The following MAGI1 variants were observed in gnomAD, a reference collection of about 807,000 sequenced individuals.
MAGI1 encodes the protein membrane associated guanylate kinase, WW and PDZ domain containing 1.
MAGI1 carries 58 observed loss-of-function variants against 139.9 expected under a neutral mutation model. The ratio of observed to expected loss-of-function variants is 0.41; its 90% CI spans 0.34 to 0.52. The LOEUF (loss-of-function observed/expected upper bound fraction) is 0.52. Ranked by LOEUF, MAGI1 falls within the 20% of genes least tolerant of loss-of-function variation. The pLI, the probability that MAGI1 is intolerant of heterozygous loss-of-function variation, is 0.12. For missense variants in MAGI1, 1,874 were observed against 1,901.6 expected (o/e 0.99, Z 0.27); for synonymous variants, 812 against 737.9 (o/e 1.10, Z -1.63).
At chr3:65,381,686 C>T (rs958308565) in intron 16 of MAGI1, among the ~76,000 whole-genome samples, 191 bp downstream of exon 16, 1 of 152,076 alleles carries the variant, frequency 6.6e-6, no homozygotes, top group African/African-American at 2.4e-5. Flanking sequence ...GCAAACGGCA[C>T]ATTAAAGTAC....
intron 1 of MAGI1, among the ~76,000 whole-genome samples, chr3:65,667,102 G>GA (rs764142841): frequency 2.0e-5 from 3 of 151,986 alleles, no homozygotes; most frequent in Non-Finnish European, 4.4e-5. Context: ...GAGAACAGAG[G>GA]AAAAAAGGTG....
chr3:65,659,039 C>G (rs559617294), intron 1 of MAGI1, among the ~76,000 whole-genome samples: 164 of 152,190 alleles, frequency 1.1e-3, no homozygotes, highest in African/African-American at 3.6e-3. Context: ...CCAGGTAAGT[C>G]CTATTTTTAT....
chr3:65,633,413 C>A (rs760174544), intron 1 of MAGI1, among the ~76,000 whole-genome samples: 1 of 152,082 alleles, frequency 6.6e-6, no homozygotes, highest in Admixed American at 6.6e-5. Context: ...AGAGAGGCTG[C>A]GAGACAGATT....
At chr3:65,433,009 A>AT (rs2107359265) in intron 10 of MAGI1, among the ~76,000 whole-genome samples, 1 of 152,154 alleles carries the variant, frequency 6.6e-6, no homozygotes, top group East Asian at 1.9e-4. Context: ...CATCTTACTT[A>AT]TTGCTTTGGT....
At chr3:65,829,382 C>T (rs1874321) in intron 1 of MAGI1, among the ~76,000 whole-genome samples, 97,132 of 151,898 alleles carry the variant, frequency 0.64, 31,552 homozygotes, top group East Asian at 0.94. Flanking sequence ...AGTGGGGCCT[C>T]TGGGAAGAGA....
At chr3:65,552,838 G>C (rs562744128) in intron 2 of MAGI1, among the ~76,000 whole-genome samples, 18 of 152,298 alleles carry the variant, frequency 1.2e-4, no homozygotes, top group Middle Eastern at 3.4e-3. Flanking sequence ...AGATGCATGT[G>C]TTATGCCTTG....
Position 65,812,697 on chromosome 3 carries a change from T to C in MAGI1, c.314-190609A>G, listed in dbSNP as rs1462487800. On this transcript the variant is annotated intron_variant, in intron 1 of 22. Coordinates refer to ENST00000402939, the MANE Select transcript of MAGI1 (RefSeq NM_001033057.2). ...ATAAACTGACTGGTTAAAGTTAGTT[T>C]ACTTTTTTTTTTTTTTTTTTTTTTT... Among the ~76,000 whole-genome samples, 4 of 140,198 alleles carry C rather than the reference T, an allele frequency of 2.9e-5. No homozygotes were observed. The East Asian group carries it at 8.4e-4, about 30-fold the overall frequency. The allele number at this position is 140,198 out of a possible 152,430, so 92.0% of individuals were successfully genotyped here. A position where few individuals can be genotyped will look rare whatever the true frequency, so the allele number is the denominator to read the frequency against.
chr3:65,512,482 C>G (rs896809790), intron 2 of MAGI1, among the ~76,000 whole-genome samples: 86 of 148,576 alleles, frequency 5.8e-4, no homozygotes, highest in Non-Finnish European at 1.1e-3. Flanking sequence ...ATATCACCAC[C>G]GATCCCACAG....
intron 1 of MAGI1, among the ~76,000 whole-genome samples, chr3:65,887,210 T>C (rs1449385421): frequency 6.6e-6 from 1 of 152,182 alleles, no homozygotes; most frequent in East Asian, 1.9e-4. Flanking sequence ...ACTGGTTGCC[T>C]CTGGAGGATT....
At chr3:65,962,137 T>C (rs2064463683) in intron 1 of MAGI1, among the ~76,000 whole-genome samples, 1 of 151,006 alleles carries the variant, frequency 6.6e-6, no homozygotes, top group African/African-American at 2.4e-5. Flanking sequence ...TTTTTTTTTT[T>C]TTTTTGACGG....
chr3:65,768,507 GT>G (rs573136262), intron 1 of MAGI1, among the ~76,000 whole-genome samples: 248 of 152,228 alleles, frequency 1.6e-3, no homozygotes, highest in Non-Finnish European at 2.9e-3. Flanking sequence ...TCTCAGTCAA[GT>G]TTTTTCTTCA....
chr3:65,903,260 G>C (rs542797201), intron 1 of MAGI1, among the ~76,000 whole-genome samples: 104 of 152,218 alleles, frequency 6.8e-4, no homozygotes, highest in Non-Finnish European at 7.4e-5. Context: ...TCCCAAAGTG[G>C]TGGGATTACA....
chr3:65,937,689 T>G (rs893150474), intron 1 of MAGI1, among the ~76,000 whole-genome samples: 3 of 152,168 alleles, frequency 2.0e-5, no homozygotes, highest in Non-Finnish European at 2.9e-5. Flanking sequence ...GTGGGTTTTT[T>G]GGGGTTTTTT....
intron 5 of MAGI1, among the ~76,000 whole-genome samples, chr3:65,463,596 G>GTA (rs1237330758): frequency 7.3e-6 from 1 of 137,358 alleles, no homozygotes; most frequent in African/African-American, 2.7e-5. Flanking sequence ...GTGTGTGTGT[G>GTA]TGTGTGTCTG....
intron 1 of MAGI1, among the ~76,000 whole-genome samples, chr3:65,651,393 C>G (rs985369507): frequency 1.1e-4 from 16 of 152,190 alleles, no homozygotes; most frequent in Admixed American, 3.3e-4. Context: ...TAGAGCCATA[C>G]TCCATGCAAG....
chr3:65,381,291 GA>G (rs1385144768), intron 16 of MAGI1, among the ~76,000 whole-genome samples: 1 of 152,130 alleles, frequency 6.6e-6, no homozygotes, highest in Admixed American at 6.6e-5. Context: ...TCCAAGGGAA[GA>G]AAGTTATATT....
At chr3:65,810,715 C>G (rs2041173850) in intron 1 of MAGI1, among the ~76,000 whole-genome samples, 1 of 152,168 alleles carries the variant, frequency 6.6e-6, no homozygotes, top group Non-Finnish European at 1.5e-5. Flanking sequence ...CGAGGGAAAG[C>G]CCGCACTCCA....
chr3:65,364,993 C>G, intron 18 of MAGI1, 47 bp from the exon 19 acceptor site: 1 of 1,502,412 alleles, frequency 6.7e-7, no homozygotes, highest in Non-Finnish European at 9.3e-7. Context: ...CCAGAGAAGA[C>G]ATCCTCCAGC....
intron 5 of MAGI1, among the ~76,000 whole-genome samples, chr3:65,469,221 A>T (rs2107576083): frequency 6.6e-6 from 1 of 152,178 alleles, no homozygotes. Flanking sequence ...GATCCTTCTC[A>T]TAGTTTTCTG....
Sources: allele counts gnomAD v4.1 joint callset (sites outside exome capture counted in the v4.1 genomes callset), GRCh38; gene constraint gnomAD v4.1.1; transcripts MANE v1.5; gene names NCBI Gene and HGNC (gene_info 2026-07-23, HGNC 2026-07-21).